Variants in TMIGD2 observed in about 807,000 individuals in gnomAD.
TMIGD2 encodes transmembrane and immunoglobulin domain containing 2.
In TMIGD2, 18 loss-of-function variants were observed where a neutral mutation model predicts 22.6. The observed-to-expected ratio is 0.80, with a 90% CI of 0.55 to 1.18. The LOEUF (loss-of-function observed/expected upper bound fraction) is 1.18. Ranked by LOEUF, TMIGD2 falls within the 50% of genes most tolerant of loss-of-function variation. TMIGD2 has a pLI of 0.00. For synonymous variants in TMIGD2, 184 were observed against 154.1 expected (o/e 1.19, Z -1.44); for missense variants, 361 against 378.2 (o/e 0.95, Z 0.38).
At chr19:4,298,423 C>T in intron 1 of TMIGD2, 78 bp from the exon 2 acceptor site, 1 of 1,474,564 alleles carries the variant, frequency 6.8e-7, no homozygotes, top group Non-Finnish European at 8.9e-7. Flanking sequence ...CCTAGTGAGC[C>T]CGCAGTCTGG....
chr19:4,300,602 C>G (rs1971524147), intron 1 of TMIGD2, among the ~76,000 whole-genome samples: 1 of 152,184 alleles, frequency 6.6e-6, no homozygotes, highest in Non-Finnish European at 1.5e-5. Context: ...GTGATCCTCC[C>G]ACCTCAGCCT....
chr19:4,297,875 G>GT, intron 2 of TMIGD2, 111 bp downstream of exon 2: 1 of 1,268,250 alleles, frequency 7.9e-7, no homozygotes, highest in Non-Finnish European at 1.0e-6. Context: ...AAAAAAAAAA[G>GT]TTTGATATGA....
intron 4 of TMIGD2, 65 bp from the exon 5 acceptor site, chr19:4,292,950 T>G: frequency 6.4e-7 from 1 of 1,565,032 alleles, no homozygotes; most frequent in Admixed American, 2.1e-5. Context: ...AGCTGACCTC[T>G]GGGGGATCTG....
intron 2 of TMIGD2, 128 bp downstream of exon 2, chr19:4,297,858 T>TA (rs11303106): frequency 4.8e-3 from 5,035 of 1,049,562 alleles, no homozygotes; most frequent in South Asian, 7.0e-3. Flanking sequence ...CTCTGTCTCT[T>TA]AAAAAAAAAA....
intron 1 of TMIGD2, among the ~76,000 whole-genome samples, chr19:4,301,742 G>A (rs531457414): frequency 6.6e-6 from 1 of 152,192 alleles, no homozygotes; most frequent in South Asian, 2.1e-4. Context: ...GGAATCAGAG[G>A]AGAGGGAAAG....
At chr19:4,298,319 C>A in exon 2 of TMIGD2, 1 of 1,592,890 alleles carries the variant, frequency 6.3e-7, no homozygotes. Context: ...CCCTGCTGCA[C>A]GCTCAGGCTT....
In TMIGD2 at chr19:4,292,877, A is replaced by G. The variant is rs28638429; in HGVS notation, c.571T>C (p.Phe191Leu). Residue 191 changes from phenylalanine (F) to leucine (L), a missense_variant, in exon 5 of 5, where the codon TTC becomes CTC. Coordinates refer to ENST00000301272, the Ensembl canonical transcript of TMIGD2. ...GGCCGGTATAGGACGTTGCTGTAGA[A>G]TGCATTTCCTAGGATGGATGACACA... is the stretch of plus-strand genomic sequence containing the variant. 4,067 of 1,613,520 alleles carry G rather than the reference A, an allele frequency of 2.5e-3. 86 individuals carry two copies. In the African/African-American group the frequency reaches 0.046, roughly 18 times the overall value.
At position 4,302,267 on chromosome 19, in the gene TMIGD2, T is replaced by A. The variant is rs1365439851; in HGVS notation, c.46+73A>T. On this transcript the variant is annotated intron_variant, in intron 1 of 4. Coordinates refer to ENST00000301272, the Ensembl canonical transcript of TMIGD2. The stretch of plus-strand genomic sequence containing the variant: ...GAGAGACTGAAGTTTAGAGGGGCCC[T>A]GAGCTGGGGGGCAGGCAGCTGGGGA... 8.7e-6 allele frequency: 13 copies of A among 1,495,022 alleles called. No homozygotes were observed. The African/African-American group carries it at 1.1e-4, about 13-fold the overall frequency. The allele number at this position is 1,495,022 out of a possible 1,614,324, so 92.6% of individuals were successfully genotyped here.
At chr19:4,299,399 C>T (rs1358956690) in intron 1 of TMIGD2, among the ~76,000 whole-genome samples, 9 of 151,624 alleles carry the variant, frequency 5.9e-5, no homozygotes, top group African/African-American at 1.9e-4. Flanking sequence ...TCCCCGCTAA[C>T]GCCTCCCAAA....
exon 2 of TMIGD2, chr19:4,298,057 C>T: frequency 1.2e-6 from 2 of 1,613,710 alleles, no homozygotes; most frequent in Non-Finnish European, 1.7e-6. Context: ...GGCCGCCCAG[C>T]ACACGTACGC....
At chr19:4,302,240 T>C (rs1971546475) in intron 1 of TMIGD2, 100 bp downstream of exon 1, 7 of 1,292,706 alleles carry the variant, frequency 5.4e-6, no homozygotes, top group Non-Finnish European at 7.5e-6. Context: ...TATCTGACAG[T>C]AGAGAGACTG....
intron 4 of TMIGD2, among the ~76,000 whole-genome samples, chr19:4,293,503 G>A (rs951350039): frequency 1.4e-5 from 2 of 144,622 alleles, no homozygotes; most frequent in African/African-American, 5.2e-5. Context: ...CTCGTGATTC[G>A]CCCGCCGTGG....
chr19:4,297,661 C>T (rs10402370), intron 2 of TMIGD2, among the ~76,000 whole-genome samples: 60,574 of 151,870 alleles, frequency 0.4, 12,241 homozygotes, highest in East Asian at 0.56. Flanking sequence ...TCGAGACTAT[C>T]CTGGCCAACA....
At chr19:4,294,006 C>T (rs1296488237) in intron 4 of TMIGD2, among the ~76,000 whole-genome samples, 2 of 152,098 alleles carry the variant, frequency 1.3e-5, no homozygotes, top group Non-Finnish European at 2.9e-5. Context: ...AAGTGATCCA[C>T]CCGCCTCAGC....
rs143069562 is a variant in TMIGD2, at chr19:4,294,669, C to T, written c.460G>A (p.Val154Met). 11 of 1,590,962 alleles carry T rather than the reference C, an allele frequency of 6.9e-6. No individual in the cohort carries two copies. The highest frequency in any genetic ancestry group is 2.3e-5 in the South Asian group (2 of 87,804). ...CCCATGCTTCCCACCCCCAGCAGCA[C>T]GAAGAGGAATCCTGGGTAGGGGGAG... Residue 154 changes from valine to methionine, a missense_variant, in exon 4 of 5, where the codon GTG becomes ATG. By Grantham distance (21) the Val-to-Met change is conservative. Transcript: ENST00000301272.
At chr19:4,298,758 A>C (rs1031520120) in intron 1 of TMIGD2, among the ~76,000 whole-genome samples, 2 of 152,088 alleles carry the variant, frequency 1.3e-5, no homozygotes, top group Admixed American at 6.6e-5. Flanking sequence ...ATAAAAAAAA[A>C]ACCAAAGAAC....
At chr19:4,294,359 G>T (rs8099850) in intron 4 of TMIGD2, among the ~76,000 whole-genome samples, 89,248 of 152,064 alleles carry the variant, frequency 0.59, 26,427 homozygotes, top group South Asian at 0.72. Context: ...CCAGCAATTT[G>T]TAATTTTTTT....
chr19:4,297,994 A>G, exon 2 of TMIGD2: 1 of 1,584,874 alleles, frequency 6.3e-7, no homozygotes, highest in Non-Finnish European at 8.6e-7. Flanking sequence ...ACCTGGGTCC[A>G]CAAAGAGCCT....
intron 2 of TMIGD2, 126 bp downstream of exon 2, chr19:4,297,860 A>G: frequency 7.6e-6 from 1 of 132,358 alleles, no homozygotes; most frequent in Non-Finnish European, 9.1e-6. Context: ...CTGTCTCTTA[A>G]AAAAAAAAAA....
Sources: allele counts gnomAD v4.1 joint callset (sites outside exome capture counted in the v4.1 genomes callset), GRCh38; gene constraint gnomAD v4.1.1; transcripts MANE v1.5; gene names NCBI Gene and HGNC (gene_info 2026-07-23, HGNC 2026-07-21).